Variants in AHI1 observed in about 807,000 individuals in gnomAD.
AHI1 encodes the protein jouberin.
AHI1 carries 123 observed loss-of-function variants against 149.3 expected under a neutral mutation model. The ratio of observed to expected loss-of-function variants is 0.82; its 90% CI spans 0.71 to 0.96. The LOEUF is 0.96. Ranked by LOEUF, AHI1 falls within the 40% of genes least tolerant of loss-of-function variation. AHI1 has a pLI of 0.00. For missense variants in AHI1, 1,439 were observed against 1,422.7 expected, an observed-to-expected ratio of 1.01 and a Z score of -0.18; for synonymous variants, 475 against 459.8, an observed-to-expected ratio of 1.03 and a Z score of -0.42.
intron 24 of AHI1, among the ~76,000 whole-genome samples, chr6:135,351,570 C>T (rs1268268353): frequency 1.3e-5 from 2 of 152,210 alleles, no homozygotes; most frequent in Non-Finnish European, 2.9e-5. Flanking sequence ...TCTAACATTG[C>T]TTCTCAATGT....
intron 24 of AHI1, among the ~76,000 whole-genome samples, chr6:135,333,231 T>G (rs1424356719): frequency 6.6e-6 from 1 of 152,090 alleles, no homozygotes; most frequent in African/African-American, 2.4e-5. Flanking sequence ...AAAGTCTCAT[T>G]TCTCAATAAT....
intron 14 of AHI1, among the ~76,000 whole-genome samples, chr6:135,441,969 G>A (rs960773433): frequency 6.6e-6 from 1 of 152,114 alleles, no homozygotes; most frequent in African/African-American, 2.4e-5. Context: ...TAGGGCAGAT[G>A]CCCACAAGGA....
chr6:135,420,746 C>G (rs944861097), intron 20 of AHI1, among the ~76,000 whole-genome samples: 1 of 152,134 alleles, frequency 6.6e-6, no homozygotes, highest in Admixed American at 6.6e-5. Context: ...TTATCCAGAT[C>G]ACTAAAACTT....
rs191479710 is a variant in AHI1 at position 135,338,134 on chromosome 6, C to A, written c.3166-14810G>T. ...CCAACGTGGTGAAGCCCTGTCTCTA[C>A]TAATAATACAAAAAAAATTAGCCGG... On this transcript the variant is annotated intron_variant, in intron 24 of 28. Coordinates refer to ENST00000265602, the MANE Select transcript of AHI1 (RefSeq NM_001134831.2). Among the ~76,000 whole-genome samples the A allele has an allele frequency of 1.7e-3, 255 of 151,884 alleles. 1 individual carries two copies. The highest frequency in any genetic ancestry group is 5.7e-3 in the African/African-American group (237 of 41,464).
intron 27 of AHI1, among the ~76,000 whole-genome samples, chr6:135,295,669 T>C (rs1782993164): frequency 6.6e-6 from 1 of 151,878 alleles, no homozygotes. Flanking sequence ...CTCTAGACAG[T>C]GAGAGAAAGT....
chr6:135,473,300 A>G (rs902577614), intron 5 of AHI1, among the ~76,000 whole-genome samples: 11 of 152,118 alleles, frequency 7.2e-5, no homozygotes, highest in African/African-American at 2.7e-4. Flanking sequence ...TGCTCTACTG[A>G]TTTATATGCC....
At chr6:135,421,381 C>T (rs1411184484) in intron 20 of AHI1, among the ~76,000 whole-genome samples, 1 of 152,114 alleles carries the variant, frequency 6.6e-6, no homozygotes, top group Non-Finnish European at 1.5e-5. Flanking sequence ...ATAAAGCAAA[C>T]ACCAGTAAAA....
At chr6:135,374,814 T>C (rs1246904228) in intron 23 of AHI1, among the ~76,000 whole-genome samples, 2 of 152,168 alleles carry the variant, frequency 1.3e-5, no homozygotes, top group African/African-American at 4.8e-5. Flanking sequence ...GACTTAACAA[T>C]TTTTCAACTT....
chr6:135,493,010 T>C (rs1257803566), intron 3 of AHI1: 13 of 962,890 alleles, frequency 1.4e-5, no homozygotes, highest in Non-Finnish European at 1.6e-5. Flanking sequence ...TCAGGAATTA[T>C]TGATTTGTTT....
At chr6:135,433,002 TC>T in intron 16 of AHI1, 24 bp downstream of exon 16, 1 of 1,554,256 alleles carries the variant, frequency 6.4e-7, no homozygotes, top group Non-Finnish European at 8.9e-7. Flanking sequence ...ACATAGCTGG[TC>T]TTCATTCATA....
At chr6:135,461,537 AT>A (rs1789882382) in intron 8 of AHI1, among the ~76,000 whole-genome samples, 1 of 152,044 alleles carries the variant, frequency 6.6e-6, no homozygotes, top group African/African-American at 2.4e-5. Flanking sequence ...AAAGCAAAAA[AT>A]ATACATAATC....
chr6:135,490,568 A>G, intron 5 of AHI1, 55 bp downstream of exon 5: 1 of 1,602,530 alleles, frequency 6.2e-7, no homozygotes, highest in East Asian at 2.2e-5. Flanking sequence ...ATGCAGCCAT[A>G]TCTGCATTTT....
At chr6:135,347,123 G>C (rs1039671000) in intron 24 of AHI1, among the ~76,000 whole-genome samples, 1 of 152,182 alleles carries the variant, frequency 6.6e-6, no homozygotes, top group South Asian at 2.1e-4. Flanking sequence ...AATTTCCATG[G>C]TGGATTTATT....
chr6:135,426,658 A>T (rs1250250566), intron 20 of AHI1, among the ~76,000 whole-genome samples: 3 of 151,632 alleles, frequency 2.0e-5, no homozygotes, highest in Admixed American at 6.6e-5. Flanking sequence ...TATCCAAAGA[A>T]TTCTTAGAAT....
intron 23 of AHI1, among the ~76,000 whole-genome samples, chr6:135,387,460 A>G (rs1384234274): frequency 1.3e-5 from 2 of 152,216 alleles, no homozygotes; most frequent in African/African-American, 2.4e-5. Flanking sequence ...TAAAATCTCA[A>G]TGTTATCTCA....
At chr6:135,449,460 G>A (rs1787757458) in intron 11 of AHI1, among the ~76,000 whole-genome samples, 1 of 152,108 alleles carries the variant, frequency 6.6e-6, no homozygotes, top group African/African-American at 2.4e-5. Flanking sequence ...TAACCTTTAT[G>A]TCTTCTGCAA....
chr6:135,445,831 C>T (rs895448638), intron 13 of AHI1, among the ~76,000 whole-genome samples: 4 of 151,970 alleles, frequency 2.6e-5, no homozygotes, highest in Admixed American at 6.6e-5. Context: ...CTGAGGCAGG[C>T]GGATCACGAG....
At chr6:135,451,615 T>G (rs1164439684) in intron 11 of AHI1, among the ~76,000 whole-genome samples, 2 of 151,952 alleles carry the variant, frequency 1.3e-5, no homozygotes, top group Non-Finnish European at 2.9e-5. Flanking sequence ...GGGGTGGGGA[T>G]GGGATAAGAA....
intron 23 of AHI1, among the ~76,000 whole-genome samples, chr6:135,392,229 A>G (rs1778611903): frequency 6.6e-6 from 1 of 152,208 alleles, no homozygotes; most frequent in African/African-American, 2.4e-5. Context: ...AGATGGCCTT[A>G]AACAAGGTGG....
Sources: gnomAD v4.1 joint callset for allele counts (sites outside exome capture counted in the v4.1 genomes callset) on GRCh38, gnomAD v4.1.1 for gene constraint, MANE v1.5 for transcripts, NCBI Gene and HGNC (gene_info 2026-07-23, HGNC 2026-07-21) for gene names.